The following TRIM2 variants were observed in gnomAD, a reference collection of about 807,000 sequenced individuals.
TRIM2 encodes the protein tripartite motif-containing protein 2.
Under a neutral mutation model 75.2 loss-of-function variants are expected in TRIM2, and 20 were observed. That is an observed-to-expected ratio of 0.27 (90% confidence interval 0.19 to 0.39). The LOEUF (loss-of-function observed/expected upper bound fraction) is 0.39, where lower values mean the gene tolerates loss of function less well. Ranked by LOEUF, TRIM2 falls within the 10% of genes least tolerant of loss-of-function variation. The pLI is 1.00. For missense variants in TRIM2, 660 were observed against 990.8 expected (o/e 0.67, Z 4.48); for synonymous variants, 373 against 388.3 (o/e 0.96, Z 0.46).
In TRIM2 at chr4:153,224,668, T is replaced by G. The variant is rs564943656; in HGVS notation, c.30+20108T>G. Among the ~76,000 whole-genome samples the G allele has an allele frequency of 1.1e-3, 166 of 152,352 alleles. 1 individual carries two copies. Among genetic ancestry groups the G allele is most frequent in the Middle Eastern group, 6.8e-3 (2 of 294 alleles). ...TCCTGCCTTTATTTTCCTGGAAAAT[T>G]CTATGTCGATTAAATCCTCCACTAG... On this transcript the variant is annotated intron_variant, in intron 1 of 11. Transcript: ENST00000338700.
At chr4:153,319,739 A>T (rs11938658) in intron 8 of TRIM2, among the ~76,000 whole-genome samples, 45,180 of 151,204 alleles carry the variant, frequency 0.3, 7,116 homozygotes, top group South Asian at 0.39. Flanking sequence ...TCAAAAAAAA[A>T]ATATATATAT....
chr4:153,228,897 G>T (rs1742877980), intron 1 of TRIM2, among the ~76,000 whole-genome samples: 1 of 152,056 alleles, frequency 6.6e-6, no homozygotes, highest in South Asian at 2.1e-4. Flanking sequence ...CCCACAAATG[G>T]TGTCTCAATC....
intron 1 of TRIM2, among the ~76,000 whole-genome samples, chr4:153,209,120 C>T (rs180915753): frequency 6.6e-6 from 1 of 152,168 alleles, no homozygotes; most frequent in African/African-American, 2.4e-5. Flanking sequence ...GGTGGACAGG[C>T]CCCTGAAGGC....
chr4:153,276,424 TA>T, intron 3 of TRIM2: 1 of 491,136 alleles, frequency 2.0e-6, no homozygotes, highest in Non-Finnish European at 3.6e-6. Flanking sequence ...GTAATAAATT[TA>T]TGGATACGGA....
At chr4:153,219,517 A>G (rs1739386538) in intron 1 of TRIM2, among the ~76,000 whole-genome samples, 1 of 152,156 alleles carries the variant, frequency 6.6e-6, no homozygotes, top group Admixed American at 6.5e-5. Flanking sequence ...CTCATCTTCC[A>G]CATGTGGCCA....
At chr4:153,195,523 A>G (rs189907282) in intron 1 of TRIM2, among the ~76,000 whole-genome samples, 2 of 152,194 alleles carry the variant, frequency 1.3e-5, no homozygotes, top group African/African-American at 4.8e-5. Context: ...CTCAAAAGAA[A>G]AAAAGAAAAA....
intron 1 of TRIM2, among the ~76,000 whole-genome samples, chr4:153,213,443 G>A (rs900475756): frequency 2.6e-5 from 4 of 152,042 alleles, no homozygotes; most frequent in African/African-American, 4.8e-5. Flanking sequence ...TTGTCGAATC[G>A]CTAACAAAGT....
At chr4:153,286,979 TTC>T (rs978231366) in intron 3 of TRIM2, among the ~76,000 whole-genome samples, 2 of 152,070 alleles carry the variant, frequency 1.3e-5, no homozygotes, top group African/African-American at 2.4e-5. Flanking sequence ...CTTTTCCTTT[TTC>T]TCTCTCTCTT....
chr4:153,284,962 A>G (rs1760255508), intron 3 of TRIM2, among the ~76,000 whole-genome samples: 2 of 151,658 alleles, frequency 1.3e-5, no homozygotes, highest in African/African-American at 4.8e-5. Flanking sequence ...TAATTTCTCT[A>G]TTTTTTTCTT....
intron 1 of TRIM2, among the ~76,000 whole-genome samples, chr4:153,166,915 G>A (rs1027106703): frequency 2.0e-5 from 3 of 152,192 alleles, no homozygotes; most frequent in Non-Finnish European, 4.4e-5. Context: ...CCTCCCGGGG[G>A]TCTGTCTGGA....
At position 153,248,946 on chromosome 4, in the gene TRIM2, G is replaced by T. The variant is rs926326317; in HGVS notation, c.31-21389G>T. Among the ~76,000 whole-genome samples the T allele has an allele frequency of 1.3e-5, 2 of 152,216 alleles. No individual in the cohort carries two copies. The highest frequency in any genetic ancestry group is 2.9e-5 in the Non-Finnish European group (2 of 68,036). The stretch of plus-strand genomic sequence containing the variant: ...TCCCACCCCCAGCATGGGCGCATCG[G>T]CTTAGAACCCTCCAGGGTTAGCAGG... On this transcript the variant is annotated intron_variant, in intron 1 of 11. Coordinates refer to ENST00000338700, the MANE Select transcript of TRIM2 (RefSeq NM_015271.5). The surrounding 1 kb of genome is among the most constrained non-coding windows in gnomAD (Gnocchi z 4.0).
chr4:153,253,466 G>T (rs1392801353), intron 1 of TRIM2, among the ~76,000 whole-genome samples: 1 of 152,162 alleles, frequency 6.6e-6, no homozygotes, highest in Non-Finnish European at 1.5e-5. Context: ...GGAGGGGTTG[G>T]TACCATTCCT....
intron 1 of TRIM2, among the ~76,000 whole-genome samples, chr4:153,255,900 G>A (rs1207622244): frequency 3.3e-5 from 5 of 152,268 alleles, no homozygotes; most frequent in African/African-American, 7.2e-5. Context: ...AACCTTTAGC[G>A]ACAGAAAGTA....
At chr4:153,242,951 G>C (rs963313634) in intron 1 of TRIM2, among the ~76,000 whole-genome samples, 2 of 152,248 alleles carry the variant, frequency 1.3e-5, no homozygotes, top group African/African-American at 4.8e-5. Context: ...CGGGGGTGGA[G>C]GCAGCATGAG....
intron 1 of TRIM2, among the ~76,000 whole-genome samples, chr4:153,223,281 C>T (rs1451499752): frequency 6.6e-6 from 1 of 152,156 alleles, no homozygotes; most frequent in East Asian, 1.9e-4. Context: ...TCCCGGGAGT[C>T]GCGGACCTCT....
intron 10 of TRIM2, 152 bp downstream of exon 10, chr4:153,324,300 G>C: frequency 2.3e-5 from 13 of 553,840 alleles, no homozygotes; most frequent in Non-Finnish European, 3.9e-5. Context: ...GTTTTAACTT[G>C]GACTTACAGA....
At chr4:153,201,088 C>T (rs1252940977), upstream of TRIM2, among the ~76,000 whole-genome samples, 1 of 152,016 alleles carries the variant, frequency 6.6e-6, no homozygotes, top group South Asian at 2.1e-4. Flanking sequence ...CTCAACCTAC[C>T]GAGTAGCTGG....
intron 3 of TRIM2, among the ~76,000 whole-genome samples, chr4:153,281,617 T>C (rs1184940584): frequency 2.6e-5 from 4 of 152,210 alleles, no homozygotes; most frequent in African/African-American, 9.6e-5. Context: ...ATAAAATCAA[T>C]TCATTAACAA....
intron 1 of TRIM2, among the ~76,000 whole-genome samples, chr4:153,178,238 CAG>C (rs1731678279): frequency 6.6e-6 from 1 of 152,080 alleles, no homozygotes; most frequent in African/African-American, 2.4e-5. Flanking sequence ...TCGGTTAGCA[CAG>C]GGGCTGATGT....
Sources: gnomAD v4.1 joint callset for allele counts (sites outside exome capture counted in the v4.1 genomes callset) on GRCh38, gnomAD v4.1.1 for gene constraint, Gnocchi (gnomAD v3.1) non-coding constraint, MANE v1.5 for transcripts, NCBI Gene and HGNC (gene_info 2026-07-23, HGNC 2026-07-21) for gene names.